Variants in NEBL observed in about 807,000 individuals in gnomAD.
The protein encoded by NEBL is LIM and SH3 protein 2.
NEBL carries 122 observed loss-of-function variants against 140.2 expected under a neutral mutation model. The observed-to-expected ratio is 0.87, with a 90% confidence interval of 0.75 to 1.01. NEBL has a LOEUF of 1.01. NEBL is among the 50% of genes least tolerant of loss of function. The pLI is 0.00. For missense variants in NEBL, 1,365 were observed against 1,231.3 expected (o/e 1.11, Z -1.62); for synonymous variants, 436 against 398.9 (o/e 1.09, Z -1.11).
rs552499124 is a variant in NEBL at position 21,148,165 on chromosome 10, G to A, written c.164+24218C>T. Among the ~76,000 whole-genome samples the A allele has an allele frequency of 1.6e-4, 24 of 152,292 alleles. No homozygotes were observed. In the East Asian group the frequency reaches 4.1e-3, roughly 26 times the overall value. On this transcript the variant is annotated intron_variant, in intron 2 of 6. Coordinates refer to the NEBL transcript ENST00000417816. ...CATCAACAAGACAAAGATGTGTGGT[G>A]GGAGAAAGTTCCAGAAAGGGAATAA...
chr10:20,969,981 T>G (rs1383398904), intron 3 of NEBL, among the ~76,000 whole-genome samples: 1 of 152,214 alleles, frequency 6.6e-6, no homozygotes, highest in African/African-American at 2.4e-5. Flanking sequence ...CTCCACCATA[T>G]TAGCTGTGTG....
intron 18 of NEBL, 42 bp downstream of exon 18, chr10:20,826,405 G>T: frequency 6.7e-7 from 1 of 1,490,984 alleles, no homozygotes; most frequent in Non-Finnish European, 9.4e-7. Context: ...TATAGTTTTG[G>T]TTTGCTTTTA....
At chr10:20,952,920 A>AAAAAAG (rs1564459600) in intron 4 of NEBL, among the ~76,000 whole-genome samples, 65 of 150,002 alleles carry the variant, frequency 4.3e-4, no homozygotes, top group Non-Finnish European at 7.4e-4. Flanking sequence ...AAAAAAAAAA[A>AAAAAAG]AAAAAGAAAA....
intron 2 of NEBL, among the ~76,000 whole-genome samples, chr10:21,052,675 C>A (rs958826188): frequency 2.6e-5 from 4 of 152,192 alleles, no homozygotes; most frequent in Non-Finnish European, 1.5e-5. Flanking sequence ...CATGGATAAT[C>A]CAGTGAAATC....
chr10:20,803,812 A>AAAATATAT (rs1554773359), intron 26 of NEBL, among the ~76,000 whole-genome samples: 9 of 143,566 alleles, frequency 6.3e-5, no homozygotes, highest in Admixed American at 2.1e-4. Flanking sequence ...CTGTACGAAA[A>AAAATATAT]ATATATATAT....
intron 3 of NEBL, among the ~76,000 whole-genome samples, chr10:20,995,764 G>A (rs1043063171): frequency 1.3e-5 from 2 of 152,056 alleles, no homozygotes; most frequent in Admixed American, 1.3e-4. Flanking sequence ...TGAAGCTGAC[G>A]CAGCTGTTGC....
At chr10:21,068,956 A>G (rs1199235090) in intron 2 of NEBL, among the ~76,000 whole-genome samples, 1 of 152,170 alleles carries the variant, frequency 6.6e-6, no homozygotes, top group African/African-American at 2.4e-5. Context: ...TGGCAAGATC[A>G]CGGCTCACTG....
At chr10:21,147,793 A>G (rs313793) in intron 2 of NEBL, among the ~76,000 whole-genome samples, 79,488 of 152,004 alleles carry the variant, frequency 0.52, 23,991 homozygotes, top group African/African-American at 0.83. Flanking sequence ...TTAGCTACCC[A>G]GCCCCTTCAG....
intron 3 of NEBL, among the ~76,000 whole-genome samples, chr10:21,016,679 G>C (rs950243691): frequency 6.6e-6 from 1 of 152,094 alleles, no homozygotes; most frequent in African/African-American, 2.4e-5. Context: ...CATCACAAAT[G>C]ATCAAAACAA....
chr10:20,969,553 T>A (rs1836477522), intron 3 of NEBL, among the ~76,000 whole-genome samples: 1 of 146,696 alleles, frequency 6.8e-6, no homozygotes, highest in Admixed American at 6.7e-5. Context: ...TCTTTTTTTT[T>A]TTTTTTTTTT....
At chr10:20,961,102 A>G (rs879304344) in intron 4 of NEBL, among the ~76,000 whole-genome samples, 2 of 152,200 alleles carry the variant, frequency 1.3e-5, no homozygotes, top group Non-Finnish European at 2.9e-5. Flanking sequence ...ACCTTTAATA[A>G]GTACTGAATT....
chr10:21,084,759 C>G (rs892404326), intron 2 of NEBL, among the ~76,000 whole-genome samples: 3 of 152,150 alleles, frequency 2.0e-5, no homozygotes, highest in Non-Finnish European at 4.4e-5. Flanking sequence ...CTTGCCTTCT[C>G]CCTCCTGCTC....
At chr10:21,100,138 A>T (rs1437608131) in intron 2 of NEBL, among the ~76,000 whole-genome samples, 1 of 152,064 alleles carries the variant, frequency 6.6e-6, no homozygotes, top group African/African-American at 2.4e-5. Flanking sequence ...CCCGGCCATC[A>T]CATTCTATTG....
intron 2 of NEBL, among the ~76,000 whole-genome samples, chr10:21,075,619 G>A (rs905782337): frequency 3.7e-4 from 57 of 152,196 alleles, no homozygotes; most frequent in East Asian, 3.8e-4. Context: ...GGTCTGCAGC[G>A]TGGATGATCT....
intron 4 of NEBL, among the ~76,000 whole-genome samples, chr10:20,945,903 A>G (rs1020386534): frequency 5.9e-5 from 9 of 152,236 alleles, no homozygotes; most frequent in African/African-American, 4.8e-5. Flanking sequence ...ATTGTATGCA[A>G]TTAAATAATT....
intron 17 of NEBL, among the ~76,000 whole-genome samples, chr10:20,827,155 T>A (rs1303438134): frequency 1.3e-5 from 2 of 152,196 alleles, no homozygotes; most frequent in Non-Finnish European, 2.9e-5. Context: ...TCGTTATGAG[T>A]ACTCTGCAGA....
intron 3 of NEBL, among the ~76,000 whole-genome samples, chr10:21,233,803 TATAG>T (rs1236079379): frequency 1.4e-5 from 2 of 141,996 alleles, no homozygotes; most frequent in East Asian, 2.0e-4. Flanking sequence ...ATATTACATA[TATAG>T]ATATATATTA....
At chr10:20,929,851 G>T (rs1233400919) in intron 4 of NEBL, among the ~76,000 whole-genome samples, 5 of 152,098 alleles carry the variant, frequency 3.3e-5, no homozygotes, top group Non-Finnish European at 7.4e-5. Flanking sequence ...TACACTAAAA[G>T]CCCGGACTTC....
intron 2 of NEBL, among the ~76,000 whole-genome samples, chr10:21,142,806 A>G (rs538078100): frequency 6.6e-6 from 1 of 152,164 alleles, no homozygotes; most frequent in African/African-American, 2.4e-5. Flanking sequence ...TGTGCTCCTT[A>G]TGAGAATCTA....
Sources: gnomAD v4.1 joint callset for allele counts (sites outside exome capture counted in the v4.1 genomes callset) on GRCh38, gnomAD v4.1.1 for gene constraint, MANE v1.5 for transcripts, NCBI Gene and HGNC (gene_info 2026-07-23, HGNC 2026-07-21) for gene names.